Variants in TAB2 observed in about 807,000 individuals in gnomAD.
The protein encoded by TAB2 is TGF-beta-activated kinase 1 and MAP3K7-binding protein 2.
TAB2 carries 3 observed loss-of-function variants against 65.0 expected under a neutral mutation model. The observed-to-expected ratio is 0.05, with a 90% CI of 0.02 to 0.12. The LOEUF (loss-of-function observed/expected upper bound fraction) is 0.12. Ranked by LOEUF, TAB2 falls within the 10% of genes least tolerant of loss-of-function variation. The pLI is 1.00. For missense variants in TAB2, 623 were observed against 840.3 expected, an observed-to-expected ratio of 0.74 and a Z score of 3.20; for synonymous variants, 298 against 285.1, an observed-to-expected ratio of 1.05 and a Z score of -0.46.
In TAB2 at chr6:149,266,533, A is replaced by C. The variant is rs540786880; in HGVS notation, c.-121+47757A>C. Among the ~76,000 whole-genome samples, 7 of 152,302 alleles carry C rather than the reference A, an allele frequency of 4.6e-5. No homozygotes were observed. The East Asian group carries it at 1.3e-3, about 29-fold the overall frequency. On this transcript the variant is annotated intron_variant, in intron 1 of 1. Transcript: ENST00000606202. ...TAAAAAGAGAGGAAGGCTAACGGAGAGACTGGATTGCCCAAATTCACATCA... is the reference window on the plus strand; with the variant it reads ...TAAAAAGAGAGGAAGGCTAACGGAGCGACTGGATTGCCCAAATTCACATCA...
upstream of TAB2, among the ~76,000 whole-genome samples, chr6:149,315,934 A>AT (rs1332765085): frequency 1.3e-5 from 2 of 152,284 alleles, no homozygotes; most frequent in Admixed American, 6.5e-5. Flanking sequence ...CATTCCATAA[A>AT]TTTTTTTAAA....
At chr6:149,390,493 A>T (rs920567986) in intron 3 of TAB2, among the ~76,000 whole-genome samples, 1 of 152,218 alleles carries the variant, frequency 6.6e-6, no homozygotes, top group African/African-American at 2.4e-5. Flanking sequence ...CATTATTTAC[A>T]GTAAAAAAAT....
chr6:149,381,283 A>G (rs1449536094), intron 3 of TAB2, among the ~76,000 whole-genome samples: 1 of 152,178 alleles, frequency 6.6e-6, no homozygotes, highest in Non-Finnish European at 1.5e-5. Context: ...TAGTTTCAGC[A>G]GTTTATAAAT....
At chr6:149,344,412 C>T (rs1055723242) in intron 1 of TAB2, among the ~76,000 whole-genome samples, 2 of 152,030 alleles carry the variant, frequency 1.3e-5, no homozygotes, top group African/African-American at 4.8e-5. Context: ...AGAGAATCAG[C>T]TTTGTGGAGA....
intron 1 of TAB2, among the ~76,000 whole-genome samples, chr6:149,253,821 C>T (rs1480832542): frequency 6.7e-6 from 1 of 148,520 alleles, no homozygotes; most frequent in Non-Finnish European, 1.5e-5. Context: ...ACTCAGGAGG[C>T]TGAGGCAGGA....
intron 3 of TAB2, among the ~76,000 whole-genome samples, chr6:149,386,093 G>A (rs1781798651): frequency 6.6e-6 from 1 of 151,836 alleles, no homozygotes; most frequent in Non-Finnish European, 1.5e-5. Context: ...GTGTATATAT[G>A]TGTATACACA....
At chr6:149,290,961 T>C (rs1480218766) in intron 1 of TAB2, among the ~76,000 whole-genome samples, 1 of 152,272 alleles carries the variant, frequency 6.6e-6, no homozygotes, top group Admixed American at 6.5e-5. Context: ...ATTAAAAATT[T>C]ACAGGGTAAA....
intron 1 of TAB2, among the ~76,000 whole-genome samples, chr6:149,264,451 G>A (rs1778219190): frequency 6.8e-6 from 1 of 146,812 alleles, no homozygotes; most frequent in African/African-American, 2.6e-5. Context: ...TTCTTGTTTT[G>A]TTTTGTTTGG....
chr6:149,381,569 CTT>C (rs557951574), intron 3 of TAB2, among the ~76,000 whole-genome samples: 2,151 of 95,562 alleles, frequency 0.023, 46 homozygotes, highest in African/African-American at 0.083. Context: ...CCCTCCTATT[CTT>C]TTTTTTTTTT....
In TAB2 at chr6:149,409,656, T is replaced by C; in HGVS notation, c.2019T>C (p.Cys673=). The C allele has an allele frequency of 1.2e-6, 2 of 1,614,214 alleles. No individual in the cohort carries two copies. The highest frequency in any genetic ancestry group is 1.7e-6 in the Non-Finnish European group (2 of 1,180,000). ...GAGCTCAGTGGAATTGTACCGCCTGTACTTTTTTGAACCATCCAGCCTTAA... is the reference window on the plus strand; with the variant it reads ...GAGCTCAGTGGAATTGTACCGCCTGCACTTTTTTGAACCATCCAGCCTTAA... The part of the protein sequence containing the change: ...DEGAQWNCTA[C]TFLNHPALIR... Residue 673 remains cysteine, a synonymous_variant, in exon 7 of 7, where the codon TGT becomes TGC. Coordinates refer to ENST00000637181, the MANE Select transcript of TAB2 (RefSeq NM_001292034.3).
rs1490618279 is a variant in TAB2, at chr6:149,371,921, C to T, written c.102+1822C>T. Among the ~76,000 whole-genome samples, 4 of 152,030 alleles carry T rather than the reference C, an allele frequency of 2.6e-5. No homozygotes were observed. The South Asian group carries it at 8.3e-4, about 31-fold the overall frequency. On this transcript the variant is annotated intron_variant, in intron 2 of 6. Coordinates refer to ENST00000637181, the MANE Select transcript of TAB2 (RefSeq NM_001292034.3). ...AGCGGAGATAGTGGGGAAAAATAGT[C>T]TCCCCCCTAGAACCCAAGTAACTTC...
chr6:149,398,179 G>A, intron 5 of TAB2, 117 bp downstream of exon 5: 1 of 860,022 alleles, frequency 1.2e-6, no homozygotes, highest in East Asian at 2.7e-5. Flanking sequence ...ATGTGGCTTT[G>A]GAGCCAGACA....
intron 1 of TAB2, among the ~76,000 whole-genome samples, chr6:149,301,209 A>G (rs563352962): frequency 1.6e-3 from 246 of 152,338 alleles, no homozygotes; most frequent in Non-Finnish European, 2.5e-3. Flanking sequence ...AGGACAACCA[A>G]AACCAGAAGG....
Position 149,410,768 on chromosome 6 carries a change from C to A in TAB2, c.*1049C>A, listed in dbSNP as rs2744434. ...GCTTAAAACAAAAGATATTTTTAAC[C>A]CACTGACAGAACAACAAGGTTAAGC... On this transcript the variant is annotated 3_prime_UTR_variant, in exon 7 of 7. Transcript: ENST00000637181. The A allele has an allele frequency of 1.1e-4, 17 of 152,416 alleles. No homozygotes were observed. The highest frequency in any genetic ancestry group is 2.2e-4 in the Non-Finnish European group (15 of 68,018). 9.4% of individuals were successfully genotyped at this position (152,416 alleles called of 1,614,324 possible).
At chr6:149,284,645 TACACACACAC>T (rs59723819) in intron 1 of TAB2, among the ~76,000 whole-genome samples, 23,167 of 141,446 alleles carry the variant, frequency 0.16, 2,002 homozygotes, top group African/African-American at 0.22. Flanking sequence ...ATGATCTCTT[TACACACACAC>T]ACACACACAC....
Position 149,350,178 on chromosome 6 carries a change from C to G in TAB2, c.-89-19731C>G, listed in dbSNP as rs557501009. On this transcript the variant is annotated intron_variant, in intron 1 of 6. Transcript: ENST00000637181. ...AACCCGTGACCTCAGGTGACCCACC[C>G]ACCTCAGCCTCCCAAAGTGCTAGGA... 1.6e-4 allele frequency among the ~76,000 whole-genome samples: 24 copies of G among 152,168 alleles called. No individual in the cohort carries two copies. The South Asian group carries it at 3.7e-3, about 24-fold the overall frequency.
At chr6:149,265,556 C>T (rs991218344) in intron 1 of TAB2, among the ~76,000 whole-genome samples, 8 of 149,722 alleles carry the variant, frequency 5.3e-5, no homozygotes, top group Admixed American at 3.3e-4. Flanking sequence ...TTCCTTGGCC[C>T]CCACCTCCCC....
chr6:149,408,479 G>T (rs945813642), intron 6 of TAB2, among the ~76,000 whole-genome samples: 3 of 152,082 alleles, frequency 2.0e-5, no homozygotes, highest in African/African-American at 4.8e-5. Flanking sequence ...CATAAAATTT[G>T]ACTTCTGTAT....
In TAB2 at chr6:149,378,805, C is replaced by G; in HGVS notation, c.890C>G (p.Thr297Ser). The G allele has an allele frequency of 6.2e-7, 1 of 1,614,204 alleles. No homozygotes were observed. Among genetic ancestry groups the G allele is most frequent in the South Asian group, 1.1e-5 (1 of 91,080 alleles). ...TCACCTACTACTTCACAACCACCAA[C>G]CATTCATTCATCTGGTAGCTCACAG... ...ISSPTTSQPP[T>S]IHSSGSSQSS... is the part of the protein sequence containing the mutation. The change falls in exon 3 of 7, where the codon ACC becomes AGC. Residue 297 changes from threonine to serine, a missense_variant. Coordinates refer to ENST00000637181, the MANE Select transcript of TAB2 (RefSeq NM_001292034.3).
Sources: gnomAD v4.1 joint callset for allele counts (sites outside exome capture counted in the v4.1 genomes callset) on GRCh38, gnomAD v4.1.1 for gene constraint, MANE v1.5 for transcripts, NCBI Gene and HGNC (gene_info 2026-07-23, HGNC 2026-07-21) for gene names.